Variants in ARHGAP20 observed in about 807,000 individuals in gnomAD.
ARHGAP20 encodes rho GTPase-activating protein 20.
Under a neutral mutation model 73.7 loss-of-function variants are expected in ARHGAP20, and 34 were observed. That is an observed-to-expected ratio of 0.46 (90% CI 0.35 to 0.61). ARHGAP20 has a LOEUF of 0.61. Among genes scored for constraint, ARHGAP20 ranks in the 20% least tolerant of loss-of-function variants. The pLI is 0.00. For synonymous variants in ARHGAP20, 523 were observed against 518.2 expected (o/e 1.01, Z -0.13); for missense variants, 1,314 against 1,420.9 (o/e 0.92, Z 1.21).
intron 1 of ARHGAP20, among the ~76,000 whole-genome samples, chr11:110,696,437 T>C (rs1950337076): frequency 6.6e-6 from 1 of 151,396 alleles, no homozygotes; most frequent in Non-Finnish European, 1.5e-5. Flanking sequence ...CACAATCATC[T>C]GAAATATGTG....
intron 1 of ARHGAP20, among the ~76,000 whole-genome samples, chr11:110,694,154 A>C (rs1031270585): frequency 6.6e-6 from 1 of 151,894 alleles, no homozygotes. Flanking sequence ...ATGTGAGCTA[A>C]GAAACAAACA....
intron 4 of ARHGAP20, among the ~76,000 whole-genome samples, chr11:110,622,840 A>C (rs1322001804): frequency 6.6e-6 from 1 of 152,218 alleles, no homozygotes; most frequent in African/African-American, 2.4e-5. Context: ...TATCTACATG[A>C]CATCACTGGT....
chr11:110,655,919 C>T (rs993523990), intron 2 of ARHGAP20, among the ~76,000 whole-genome samples: 3 of 152,162 alleles, frequency 2.0e-5, no homozygotes, highest in African/African-American at 4.8e-5. Flanking sequence ...TCCTGACTAA[C>T]CTAGTCACTC....
chr11:110,578,678 A>G lies in ARHGAP20; in HGVS notation c.*692T>C, dbSNP rs1325353688. The G allele has an allele frequency of 1.0e-5, 10 of 985,310 alleles. No individual in the cohort carries two copies. The highest frequency in any genetic ancestry group is 9.6e-6 in the Non-Finnish European group (8 of 829,938). 61.0% of individuals were successfully genotyped at this position (985,310 alleles called of 1,614,324 possible). ...TCTGTTTCCTGAAGCCTTGCAAAGC[A>G]CTTCAACATGAATGAAAAAACAAAC... is the stretch of plus-strand genomic sequence containing the variant. On this transcript the variant is annotated 3_prime_UTR_variant, in exon 15 of 15. Transcript: ENST00000683387.
chr11:110,690,238 A>G (rs1458772980), intron 2 of ARHGAP20, among the ~76,000 whole-genome samples: 1 of 152,216 alleles, frequency 6.6e-6, no homozygotes, highest in Non-Finnish European at 1.5e-5. Context: ...GTGCAAAACA[A>G]AACATTCATT....
At chr11:110,712,537 AGCCCTCCTCCAGCCTGG>A (rs1950692931), upstream of ARHGAP20, 1 of 152,410 alleles carries the variant, frequency 6.6e-6, no homozygotes, top group East Asian at 2.0e-4. Flanking sequence ...AGCCCTCCTC[AGCCCTCCTCCAGCCTGG>A]GCCCTCCTAG....
rs756338003 is a variant in ARHGAP20 at position 110,690,597 on chromosome 11, GCTC to G, written c.135_137del (p.Arg45del). The G allele has an allele frequency of 6.2e-7, 1 of 1,614,028 alleles. No individual in the cohort carries two copies. The highest frequency in any genetic ancestry group is 1.1e-5 in the South Asian group (1 of 91,072). ...CTTTATCCAGGATAAGAGATGGAGC[GCTC>G]CTCCTCCTTTCTGCTAGTGTTTTCA... On this transcript the variant is annotated inframe_deletion, in exon 2 of 15. Coordinates refer to ENST00000683387, the MANE Select transcript of ARHGAP20 (RefSeq NM_001384657.1).
chr11:110,664,504 G>A (rs1004756393), intron 2 of ARHGAP20, among the ~76,000 whole-genome samples: 8 of 152,078 alleles, frequency 5.3e-5, no homozygotes, highest in African/African-American at 9.7e-5. Context: ...TAAGGCAGGC[G>A]GATCATGAGG....
rs928789007 is a variant in ARHGAP20, at chr11:110,611,444, C to G, written c.631-58G>C. ...AATAATGAATTTTAAAACAGGTTAA[C>G]AAATAATCATTGTCAAATGATTATC... On this transcript the variant is annotated intron_variant, in intron 6 of 14. Transcript: ENST00000683387. The G allele has an allele frequency of 3.4e-6, 3 of 874,064 alleles. No individual in the cohort carries two copies. The East Asian group carries it at 9.3e-5, about 27-fold the overall frequency. The allele number at this position is 874,064 out of a possible 1,614,324, so 54.1% of individuals were successfully genotyped here.
chr11:110,630,779 C>T lies in ARHGAP20; in HGVS notation c.202G>A (p.Ala68Thr), dbSNP rs45605035. ...KRPTTRDSPS[A>T]SVDTCTFLSS... ...AGAAATGTGCATGTGTCAACACTAG[C>T]AGAAGGACTGTCCCTGTAACAGATC... Residue 68 changes from alanine (A) to threonine (T), a missense_variant, in exon 3 of 15, where the codon GCT (alanine) becomes ACT (threonine). Ala to Thr is a moderately conservative substitution (Grantham distance 58). This residue lies in a region of ARHGAP20 where 443 missense variants were observed against 466.4 expected (regional missense o/e 0.95). Coordinates refer to ENST00000683387, the MANE Select transcript of ARHGAP20 (RefSeq NM_001384657.1). 3.1e-6 allele frequency: 5 copies of T among 1,613,752 alleles called. No homozygotes were observed. The highest frequency in any genetic ancestry group is 1.3e-5 in the African/African-American group (1 of 74,904).
intron 9 of ARHGAP20, among the ~76,000 whole-genome samples, chr11:110,594,385 C>A (rs143633717): frequency 3.3e-4 from 50 of 152,226 alleles, no homozygotes; most frequent in Non-Finnish European, 5.9e-4. Context: ...TATGAATTAG[C>A]CCTCAAAGGC....
chr11:110,601,073 G>C (rs913839329), intron 9 of ARHGAP20, among the ~76,000 whole-genome samples: 1 of 152,182 alleles, frequency 6.6e-6, no homozygotes, highest in African/African-American at 2.4e-5. Context: ...TATTCTAACA[G>C]AAATCATTAG....
chr11:110,677,466 C>A (rs545926904), intron 2 of ARHGAP20, among the ~76,000 whole-genome samples: 11 of 152,074 alleles, frequency 7.2e-5, no homozygotes, highest in Non-Finnish European at 1.5e-4. Flanking sequence ...CCAGCCTTGG[C>A]AAGACAGCGA....
At position 110,591,987 on chromosome 11, in the gene ARHGAP20, T is replaced by G. The variant is rs776674201; in HGVS notation, c.1133A>C (p.Lys378Thr). The change falls in exon 10 of 15, where the codon AAA becomes ACA. Residue 378 changes from lysine (K) to threonine (T), a missense_variant. Around this residue, in one of 3 missense-constraint regions of ARHGAP20, gnomAD observed 443 missense variants for 466.4 expected, o/e 0.95. Coordinates refer to ENST00000683387, the MANE Select transcript of ARHGAP20 (RefSeq NM_001384657.1). ...CAAAATGAGCCTTACCAAGACAGGTTTGGGCAGATTGTCATTCTCACAAAT... is the reference window on the plus strand; with the variant it reads ...CAAAATGAGCCTTACCAAGACAGGTGTGGGCAGATTGTCATTCTCACAAAT... ...PNICENDNLP[K>T]PVLDMLFFLN... The G allele has an allele frequency of 1.2e-5, 19 of 1,613,966 alleles. No homozygotes were observed. In the Middle Eastern group the frequency reaches 4.9e-4, roughly 42 times the overall value.
chr11:110,655,497 T>C (rs536771777), intron 2 of ARHGAP20, among the ~76,000 whole-genome samples: 98 of 152,346 alleles, frequency 6.4e-4, no homozygotes, highest in African/African-American at 2.1e-3. Flanking sequence ...GGTTTTTGTC[T>C]GTCTTGTTTA....
chr11:110,707,911 C>A (rs1950578779), intron 1 of ARHGAP20, among the ~76,000 whole-genome samples: 1 of 150,336 alleles, frequency 6.7e-6, no homozygotes. Flanking sequence ...AATACAGTAG[C>A]CACTAGACAC....
intron 4 of ARHGAP20, among the ~76,000 whole-genome samples, chr11:110,618,201 A>C (rs1948528747): frequency 6.6e-6 from 1 of 152,184 alleles, no homozygotes; most frequent in African/African-American, 2.4e-5. Flanking sequence ...CTAAAGTCAG[A>C]AGCCCTTTAT....
At position 110,620,995 on chromosome 11, in the gene ARHGAP20, A is replaced by C. The variant is rs139100980; in HGVS notation, c.503+3167T>G. On this transcript the variant is annotated intron_variant, in intron 4 of 14. Transcript: ENST00000683387. ...AGGCTGAGGCAGGAGAATCACTTGA[A>C]GCCGGGAGGCAGAGGTTGCAGTGAG... Among the ~76,000 whole-genome samples the C allele has an allele frequency of 6.0e-3, 875 of 144,832 alleles. 12 individuals are homozygous for C. Among genetic ancestry groups the C allele is most frequent in the South Asian group, 0.033 (142 of 4,330 alleles).
intron 2 of ARHGAP20, among the ~76,000 whole-genome samples, chr11:110,635,012 C>T (rs138671120): frequency 7.0e-4 from 106 of 151,980 alleles, no homozygotes; most frequent in African/African-American, 2.4e-3. Context: ...TCTCCATCAA[C>T]GCATATGGTG....
Sources: allele counts gnomAD v4.1 joint callset (sites outside exome capture counted in the v4.1 genomes callset), GRCh38; gene constraint gnomAD v4.1.1; regional missense constraint gnomAD v4.1.1; transcripts MANE v1.5; gene names NCBI Gene and HGNC (gene_info 2026-07-23, HGNC 2026-07-21).